KCNG1: variants seen among roughly 807,000 people sequenced by gnomAD.
KCNG1 encodes potassium voltage-gated channel modifier subfamily G member 1.
Under a neutral mutation model 32.4 loss-of-function variants are expected in KCNG1, and 17 were observed. The ratio of observed to expected loss-of-function variants is 0.52; its 90% confidence interval spans 0.36 to 0.79. The LOEUF (loss-of-function observed/expected upper bound fraction) is 0.79, where lower values mean the gene tolerates loss of function less well. KCNG1 is among the 30% of genes least tolerant of loss of function. The probability of loss-of-function intolerance (pLI) is 0.00; values close to 1 mark genes in which losing one functional copy is unlikely to be tolerated. For missense variants in KCNG1, 441 were observed against 735.2 expected (o/e 0.60, Z 4.63); for synonymous variants, 358 against 339.9 (o/e 1.05, Z -0.59).
chr20:51,004,950 G>A lies in KCNG1; in HGVS notation c.775-144C>T, dbSNP rs928732068. 2 of 768,066 alleles carry A rather than the reference G, an allele frequency of 2.6e-6. No individual in the cohort carries two copies. The highest frequency in any genetic ancestry group is 3.5e-5 in the African/African-American group (2 of 56,354). The allele number at this position is 768,066 out of a possible 1,614,324, so 47.6% of individuals were successfully genotyped here. The stretch of plus-strand genomic sequence containing the variant: ...GTGGCCCCGGGTCCTCTCCCTAGTT[G>A]TGCCCACTCCGAGGCCTGGGGCACT... On this transcript the variant is annotated intron_variant, in intron 2 of 2. Transcript: ENST00000371571. The surrounding 1 kb of genome is among the most constrained non-coding windows in gnomAD (Gnocchi z 4.3).
chr20:51,019,163 A>T (rs1294355521), intron 1 of KCNG1, among the ~76,000 whole-genome samples: 1 of 152,156 alleles, frequency 6.6e-6, no homozygotes, highest in African/African-American at 2.4e-5. Context: ...CCCTGCTGAT[A>T]CCTTGATTTT....
chr20:51,021,109 G>C lies in KCNG1; in HGVS notation c.-27+1761C>G, dbSNP rs576985367. ...TGACAACCCAGGCTGTAGGCTGCGGGCCTGGGCTCTCAAGTCTCAGGAGAA... is the reference window on the plus strand; with the variant it reads ...TGACAACCCAGGCTGTAGGCTGCGGCCCTGGGCTCTCAAGTCTCAGGAGAA... On this transcript the variant is annotated intron_variant, in intron 1 of 2. Transcript: ENST00000371571. Among the ~76,000 whole-genome samples, 743 of 152,332 alleles carry C rather than the reference G, an allele frequency of 4.9e-3. 9 individuals carry two copies. Among genetic ancestry groups the C allele is most frequent in the African/African-American group, 0.016 (669 of 41,570 alleles).
At position 51,004,563 on chromosome 20, in the gene KCNG1, G is replaced by A; in HGVS notation, c.1018C>T (p.Leu340=). The part of the protein sequence containing the change: ...AGNSYLDKVG[L]VLRVLRALRI... ...AGCGCCCGCAGCACGCGCAGCACCA[G>A]CCCCACCTTGTCCAGGTAGCTGTTG... The change falls in exon 3 of 3, where the codon CTG becomes TTG. Residue 340 remains leucine, a synonymous_variant. Coordinates refer to ENST00000371571, the MANE Select transcript of KCNG1 (RefSeq NM_002237.4). The surrounding 1 kb of genome is among the most constrained non-coding windows in gnomAD (Gnocchi z 4.3). 9 of 1,584,834 alleles carry A rather than the reference G, an allele frequency of 5.7e-6. No homozygotes were observed. The highest frequency in any genetic ancestry group is 7.7e-6 in the Non-Finnish European group (9 of 1,165,824).
intron 1 of KCNG1, among the ~76,000 whole-genome samples, chr20:51,017,903 C>T (rs972896050): frequency 3.3e-5 from 5 of 152,150 alleles, no homozygotes; most frequent in Non-Finnish European, 7.3e-5. Flanking sequence ...AAATCTTCTG[C>T]GTTGGGGCTG....
chr20:51,017,048 C>T (rs924859778), intron 1 of KCNG1, among the ~76,000 whole-genome samples: 1 of 152,202 alleles, frequency 6.6e-6, no homozygotes, highest in Non-Finnish European at 1.5e-5. Context: ...AAATTATTTG[C>T]ACTCAAATCC....
In KCNG1 at chr20:51,004,740, G is replaced by A. The variant is rs527657404; in HGVS notation, c.841C>T (p.Leu281=). ...VESVCVGWFS[L]EFLLRLIQAP... is the part of the protein sequence containing the mutation. ...TGAATGAGCCGCAGGAGGAACTCCA[G>A]GGAGAACCAGCCCACGCACACCGAC... Residue 281 remains leucine (L), a synonymous_variant, in exon 3 of 3, where the codon CTG becomes TTG. Coordinates refer to ENST00000371571, the MANE Select transcript of KCNG1 (RefSeq NM_002237.4). This position sits in a 1 kb window ranked among gnomAD's most constrained non-coding sequence, Gnocchi z 4.3. The A allele has an allele frequency of 5.0e-6, 8 of 1,594,462 alleles. No homozygotes were observed. Among genetic ancestry groups the A allele is most frequent in the Non-Finnish European group, 6.8e-6 (8 of 1,170,218 alleles).
intron 1 of KCNG1, among the ~76,000 whole-genome samples, chr20:51,012,925 C>T (rs761788748): frequency 9.7e-4 from 147 of 152,158 alleles, no homozygotes; most frequent in Non-Finnish European, 1.9e-3. Flanking sequence ...GAGTTTGAGA[C>T]CCTTAGATTA....
chr20:51,011,845 G>A (rs900848786), intron 1 of KCNG1, among the ~76,000 whole-genome samples: 1 of 152,236 alleles, frequency 6.6e-6, no homozygotes, highest in African/African-American at 2.4e-5. Context: ...TGCCTAGGCT[G>A]GAGTGCAGTG....
intron 1 of KCNG1, 39 bp from the exon 2 acceptor site, chr20:51,010,403 C>A: frequency 7.6e-7 from 1 of 1,310,914 alleles, no homozygotes. Context: ...AGTGACCACC[C>A]CTAGCTTCAC....
chr20:51,009,050 A>G (rs1987951380), intron 2 of KCNG1, among the ~76,000 whole-genome samples: 1 of 152,196 alleles, frequency 6.6e-6, no homozygotes, highest in Non-Finnish European at 1.5e-5. Context: ...TCTCTTATGT[A>G]ACAAAAAGAA....
chr20:51,004,899 G>A lies in KCNG1; in HGVS notation c.775-93C>T. The A allele has an allele frequency of 7.5e-7, 1 of 1,338,746 alleles. No individual in the cohort carries two copies. The allele number at this position is 1,338,746 out of a possible 1,614,324, so 82.9% of individuals were successfully genotyped here. A position where few individuals can be genotyped will look rare whatever the true frequency, so the allele number is the denominator to read the frequency against. On this transcript the variant is annotated intron_variant, in intron 2 of 2. Transcript: ENST00000371571. The surrounding 1 kb of genome is among the most constrained non-coding windows in gnomAD (Gnocchi z 4.3). ...GCCCTGTGCCCTGCTGGGCTTCCCA[G>A]GCGGAAGGTGACCTCTCCAGGTTGA...
Position 51,010,151 on chromosome 20 carries a change from C to A in KCNG1, c.188G>T (p.Arg63Leu). ...GCCGCCTACGTTGATGATGATCCGA[C>A]GGCGGCGGTCCTCGGGCTGACAGCC... ...RQGCQPEDRR[R>L]RIIINVGGIK... Residue 63 changes from arginine (R) to leucine (L), a missense_variant, in exon 2 of 3, where the codon CGT becomes CTT. By Grantham distance (102) the Arg-to-Leu change is moderately radical. Coordinates refer to ENST00000371571, the MANE Select transcript of KCNG1 (RefSeq NM_002237.4). 3 of 1,610,806 alleles carry A rather than the reference C, an allele frequency of 1.9e-6. No individual in the cohort carries two copies. Among genetic ancestry groups the A allele is most frequent in the Non-Finnish European group, 2.5e-6 (3 of 1,178,362 alleles).
rs1172560098 is a variant in KCNG1, at chr20:51,003,974, G to A, written c.*65C>T. The A allele has an allele frequency of 3.9e-6, 6 of 1,555,694 alleles. No individual in the cohort carries two copies. The highest frequency in any genetic ancestry group is 2.4e-5 in the South Asian group (2 of 82,406). On this transcript the variant is annotated 3_prime_UTR_variant, in exon 3 of 3. Transcript: ENST00000371571. ...GGAAGCGGCCTGTCCCTCTCCAGGC[G>A]TCTGCAGTGGATGGCAATGGCTTCG...
In KCNG1 at chr20:51,004,703, T is replaced by G. The variant is rs761609907; in HGVS notation, c.878A>C (p.Lys293Thr). 2 of 1,597,748 alleles carry G rather than the reference T, an allele frequency of 1.3e-6. No homozygotes were observed. Among genetic ancestry groups the G allele is most frequent in the South Asian group, 1.1e-5 (1 of 88,294 alleles). ...FLLRLIQAPSKFAFLRSPLTL... is the reference protein window; with the variant it reads ...FLLRLIQAPSTFAFLRSPLTL... ...CAGCGGGCTCCGCAGGAAGGCGAAC[T>G]TGCTGGGCGCCTGAATGAGCCGCAG... Residue 293 changes from lysine to threonine, a missense_variant, in exon 3 of 3, where the codon AAG becomes ACG. By Grantham distance (78) the Lys-to-Thr change is moderately conservative. Around this residue, in one of 6 missense-constraint regions of KCNG1, gnomAD observed 169 missense variants for 297.7 expected, o/e 0.57. Transcript: ENST00000371571. The surrounding 1 kb of genome is among the most constrained non-coding windows in gnomAD (Gnocchi z 4.3).
At chr20:51,018,842 T>C (rs1161719650) in intron 1 of KCNG1, among the ~76,000 whole-genome samples, 1 of 152,236 alleles carries the variant, frequency 6.6e-6, no homozygotes, top group Non-Finnish European at 1.5e-5. Flanking sequence ...CCCTGCCTTT[T>C]ACTGCCTCCT....
rs535698630 is a variant in KCNG1 at position 51,014,853 on chromosome 20, C to T, written c.-26-4489G>A. Among the ~76,000 whole-genome samples the T allele has an allele frequency of 3.9e-5, 6 of 152,096 alleles. No homozygotes were observed. The South Asian group carries it at 1.0e-3, about 26-fold the overall frequency. On this transcript the variant is annotated intron_variant, in intron 1 of 2. Transcript: ENST00000371571. Reference sequence around the variant, plus strand: ...TTGGAGGAGGGGACATGGGGTTGAGCCGCATGGATAGATCCAGCCCCGTGA... The same window carrying T: ...TTGGAGGAGGGGACATGGGGTTGAGTCGCATGGATAGATCCAGCCCCGTGA...
chr20:51,021,972 A>G (rs1049556017), intron 1 of KCNG1, among the ~76,000 whole-genome samples: 1 of 152,052 alleles, frequency 6.6e-6, no homozygotes, highest in Non-Finnish European at 1.5e-5. Context: ...TAGATGAACC[A>G]AGACTTCTGC....
At chr20:51,021,530 C>T (rs11906578) in intron 1 of KCNG1, among the ~76,000 whole-genome samples, 1 of 152,182 alleles carries the variant, frequency 6.6e-6, no homozygotes, top group Non-Finnish European at 1.5e-5. Flanking sequence ...CAAACACACA[C>T]TAATGAATAA....
intron 1 of KCNG1, among the ~76,000 whole-genome samples, chr20:51,022,254 C>G (rs1044284613): frequency 3.3e-5 from 5 of 152,222 alleles, no homozygotes; most frequent in Admixed American, 2.0e-4. Flanking sequence ...CCTTTTCCTT[C>G]CATACCTCCG....
Sources: allele counts gnomAD v4.1 joint callset (sites outside exome capture counted in the v4.1 genomes callset), GRCh38; gene constraint gnomAD v4.1.1; regional missense constraint gnomAD v4.1.1; non-coding constraint Gnocchi (gnomAD v3.1); transcripts MANE v1.5; gene names NCBI Gene and HGNC (gene_info 2026-07-23, HGNC 2026-07-21).